Variants in MINK1 observed in about 807,000 individuals in gnomAD.
The protein encoded by MINK1 is misshapen like kinase 1.
MINK1 carries 46 observed loss-of-function variants against 178.4 expected under a neutral mutation model. The ratio of observed to expected loss-of-function variants is 0.26; its 90% CI spans 0.20 to 0.33. The LOEUF (loss-of-function observed/expected upper bound fraction) is 0.33, where lower values mean the gene tolerates loss of function less well. MINK1 is among the 10% of genes least tolerant of loss of function. The pLI is 1.00. For missense variants in MINK1, 1,366 were observed against 1,814.9 expected (o/e 0.75, Z 4.49); for synonymous variants, 797 against 709.7 (o/e 1.12, Z -1.96).
At chr17:4,850,535 A>C (rs1911788910) in intron 1 of MINK1, among the ~76,000 whole-genome samples, 14 of 112,058 alleles carry the variant, frequency 1.2e-4, no homozygotes, top group Admixed American at 4.1e-4. Flanking sequence ...CCCGCCCTCT[A>C]CCTGTTCTTC....
chr17:4,892,958 T>A (rs948363256), intron 19 of MINK1, 21 bp from the exon 20 acceptor site: 2 of 1,542,644 alleles, frequency 1.3e-6, no homozygotes, highest in African/African-American at 2.8e-5. Flanking sequence ...ATCAGTGACC[T>A]TCTTCCACCC....
intron 2 of MINK1, among the ~76,000 whole-genome samples, chr17:4,879,510 T>C (rs1194185384): frequency 6.6e-6 from 1 of 152,210 alleles, no homozygotes; most frequent in African/African-American, 2.4e-5. Context: ...ATGGGAATAG[T>C]GGTGCCATGT....
At chr17:4,844,237 G>A (rs1376285042) in intron 1 of MINK1, among the ~76,000 whole-genome samples, 3 of 152,036 alleles carry the variant, frequency 2.0e-5, no homozygotes, top group African/African-American at 4.8e-5. Context: ...CTGACCTCAG[G>A]TGATCCACCC....
At chr17:4,856,082 T>C (rs977598604) in intron 1 of MINK1, among the ~76,000 whole-genome samples, 8 of 152,236 alleles carry the variant, frequency 5.3e-5, no homozygotes, top group African/African-American at 9.6e-5. Flanking sequence ...AGTGGAGAGA[T>C]GCTGGTGACC....
chr17:4,885,011 G>A lies in MINK1; in HGVS notation c.508+9G>A. 6.2e-7 allele frequency: 1 copy of A among 1,613,556 alleles called. No individual in the cohort carries two copies. The highest frequency in any genetic ancestry group is 8.5e-7 in the Non-Finnish European group (1 of 1,179,626). On this transcript the variant is annotated intron_variant, in intron 6 of 31. Transcript: ENST00000355280. This position sits in a 1 kb window ranked among gnomAD's most constrained non-coding sequence, Gnocchi z 5.0. ...TGCTGAGGTCAAGCTAGGTGCGCCG[G>A]CTCCTTCTGAGGCTGACGAGGACCT...
At chr17:4,871,750 CTG>C (rs1221606355) in intron 1 of MINK1, among the ~76,000 whole-genome samples, 1 of 152,182 alleles carries the variant, frequency 6.6e-6, no homozygotes, top group African/African-American at 2.4e-5. Context: ...AACTGCCAAA[CTG>C]TTTTCCAAAG....
At chr17:4,893,939 C>T (rs748053734) in intron 21 of MINK1, 49 bp from the exon 22 acceptor site, 1 of 1,451,520 alleles carries the variant, frequency 6.9e-7, no homozygotes, top group African/African-American at 1.4e-5. Flanking sequence ...TTTGGCACTT[C>T]TGTGGCCACG....
At chr17:4,859,565 A>G (rs1227769141) in intron 1 of MINK1, among the ~76,000 whole-genome samples, 1 of 152,018 alleles carries the variant, frequency 6.6e-6, no homozygotes, top group Non-Finnish European at 1.5e-5. Flanking sequence ...AGGCGGATGG[A>G]TCACATGAGG....
chr17:4,878,443 G>C (rs1161315659), intron 2 of MINK1, 61 bp downstream of exon 2: 2 of 1,425,004 alleles, frequency 1.4e-6, no homozygotes, highest in East Asian at 2.5e-5. Flanking sequence ...GGGAGGAGTG[G>C]AAGGAAGTAG....
At position 4,855,362 on chromosome 17, in the gene MINK1, TGTA is replaced by T. The variant is rs1235281483; in HGVS notation, c.57+21725_57+21727del. 2.0e-5 allele frequency among the ~76,000 whole-genome samples: 3 copies of T among 151,142 alleles called. No homozygotes were observed. The East Asian group carries it at 5.9e-4, about 29-fold the overall frequency. The stretch of plus-strand genomic sequence containing the variant: ...TTAGCTGGGCGTGGTGGCGGGCGCC[TGTA>T]GTCCCAGCTACTCAGGAGGCTGAGG... On this transcript the variant is annotated intron_variant, in intron 1 of 31. Transcript: ENST00000355280.
chr17:4,897,281 C>G lies in MINK1; in HGVS notation c.3993C>G (p.Asn1331Lys). 6.2e-7 allele frequency: 1 copy of G among 1,613,640 alleles called. No homozygotes were observed. The highest frequency in any genetic ancestry group is 8.5e-7 in the Non-Finnish European group (1 of 1,179,682). The change falls in exon 32 of 32, where the codon AAC becomes AAG. Residue 1331 changes from asparagine to lysine, a missense_variant. Asn to Lys is a moderately conservative substitution (Grantham distance 94, BLOSUM62 0). Transcript: ENST00000355280. The part of the protein sequence containing the change: ...FMTLNRNCIM[N>K]W ...CTCTGAACCGTAACTGCATCATGAA[C>G]TGGTGACGGGGCCCTGGGCTGGGGC... is the stretch of plus-strand genomic sequence containing the variant.
At chr17:4,877,225 T>G (rs1171352687) in intron 1 of MINK1, among the ~76,000 whole-genome samples, 1 of 149,010 alleles carries the variant, frequency 6.7e-6, no homozygotes, top group Non-Finnish European at 1.5e-5. Flanking sequence ...GCCAGGAGGG[T>G]GTGGGTGGCC....
At chr17:4,863,263 C>G (rs1196568018) in intron 1 of MINK1, among the ~76,000 whole-genome samples, 2 of 152,176 alleles carry the variant, frequency 1.3e-5, no homozygotes, top group Non-Finnish European at 2.9e-5. Flanking sequence ...ATGCCCTCTC[C>G]TTCCATGTCT....
intron 1 of MINK1, among the ~76,000 whole-genome samples, chr17:4,867,154 T>G (rs150839805): frequency 0.058 from 8,062 of 138,144 alleles, 444 homozygotes; most frequent in East Asian, 0.25. Context: ...TTTTTTTTTT[T>G]TTTTTTTTTT....
chr17:4,833,345 G>A lies in MINK1; in HGVS notation c.-239G>A. On this transcript the variant is annotated 5_prime_UTR_variant, in exon 1 of 32. Transcript: ENST00000355280. The surrounding 1 kb of genome is among the most constrained non-coding windows in gnomAD (Gnocchi z 4.8). ...GCTCGCGCTTCCACCCTCCCAGTGC[G>A]CGGTCGCTCCGCGCCTGCGCAGGAG... 2.3e-6 allele frequency: 1 copy of A among 428,676 alleles called. No individual in the cohort carries two copies. Among genetic ancestry groups the A allele is most frequent in the South Asian group, 3.5e-5 (1 of 28,696 alleles). 26.6% of individuals were successfully genotyped at this position (428,676 alleles called of 1,614,324 possible).
chr17:4,892,118 C>A, intron 16 of MINK1, 31 bp from the exon 17 acceptor site: 1 of 1,545,096 alleles, frequency 6.5e-7, no homozygotes, highest in Non-Finnish European at 8.8e-7. Flanking sequence ...GTCGCAGCGC[C>A]AGCTCGCAGC....
chr17:4,864,392 T>C (rs1286639406), intron 1 of MINK1, among the ~76,000 whole-genome samples: 1 of 145,776 alleles, frequency 6.9e-6, no homozygotes, highest in Non-Finnish European at 1.5e-5. Flanking sequence ...AGAGCAAAAC[T>C]CTGTCTCAAA....
intron 12 of MINK1, among the ~76,000 whole-genome samples, chr17:4,888,097 T>C (rs1968386468): frequency 6.6e-6 from 1 of 151,078 alleles, no homozygotes; most frequent in African/African-American, 2.4e-5. Context: ...ATGCCTGTAA[T>C]CCCAGCTACT....
chr17:4,859,061 G>A, intron 1 of MINK1: 1 of 923,110 alleles, frequency 1.1e-6, no homozygotes, highest in Non-Finnish European at 1.3e-6. Flanking sequence ...GCCTGGGTCT[G>A]GGAACAGCAC....
Sources: gnomAD v4.1 joint callset for allele counts (sites outside exome capture counted in the v4.1 genomes callset) on GRCh38, gnomAD v4.1.1 for gene constraint, Gnocchi (gnomAD v3.1) non-coding constraint, MANE v1.5 for transcripts, NCBI Gene and HGNC (gene_info 2026-07-23, HGNC 2026-07-21) for gene names.